The following STX8 variants were observed in gnomAD, a reference collection of about 807,000 sequenced individuals.
STX8 encodes syntaxin-8.
A neutral mutation model predicts 37.5 loss-of-function variants in STX8; 23 were observed. The ratio of observed to expected loss-of-function variants is 0.61; its 90% CI spans 0.44 to 0.87. The LOEUF (loss-of-function observed/expected upper bound fraction) is 0.87. STX8 is among the 40% of genes least tolerant of loss of function. The probability of loss-of-function intolerance (pLI) is 0.00; values close to 1 mark genes in which losing one functional copy is unlikely to be tolerated. For synonymous variants in STX8, 115 were observed against 99.1 expected, an observed-to-expected ratio of 1.16 and a Z score of -0.95; for missense variants, 313 against 284.7, an observed-to-expected ratio of 1.10 and a Z score of -0.71.
chr17:9,566,185 C>CA lies in STX8; in HGVS notation c.117+2185dup, dbSNP rs201076398. On this transcript the variant is annotated intron_variant, in intron 2 of 7. Transcript: ENST00000306357. ...TTTCAAAGGAAGACAGGCATGCTGC[C>CA]AAAAAAAACAGGAAAAAAAGCTCAA... Among the ~76,000 whole-genome samples the CA allele has an allele frequency of 9.0e-3, 1,362 of 151,360 alleles. 26 individuals carry two copies. Among genetic ancestry groups the CA allele is most frequent in the African/African-American group, 0.031 (1,264 of 41,260 alleles).
chr17:9,568,414 T>C lies in STX8; in HGVS notation c.74A>G (p.Gln25Arg). 1.2e-6 allele frequency: 2 copies of C among 1,612,822 alleles called. No homozygotes were observed. The highest frequency in any genetic ancestry group is 1.7e-6 in the Non-Finnish European group (2 of 1,179,918). Residue 25 changes from glutamine (Q) to arginine (R), a missense_variant, in exon 2 of 8, where the codon CAA becomes CGA. Transcript: ENST00000306357. ...QIAQEIAEKI[Q>R]QRNQYERKGE... ...TTTTCTTTCATATTGATTTCGTTGTTGAATTTTCTCAGCAATTTCTTGGGC... is the reference window on the plus strand; with the variant it reads ...TTTTCTTTCATATTGATTTCGTTGTCGAATTTTCTCAGCAATTTCTTGGGC...
intron 6 of STX8, among the ~76,000 whole-genome samples, chr17:9,404,944 C>A (rs1455013696): frequency 1.3e-5 from 2 of 152,100 alleles, no homozygotes; most frequent in African/African-American, 2.4e-5. Flanking sequence ...CTCCAAGATC[C>A]CTATCTTGAA....
intron 6 of STX8, among the ~76,000 whole-genome samples, chr17:9,382,194 CACAT>C (rs1171223650): frequency 6.6e-6 from 1 of 151,908 alleles, no homozygotes. Flanking sequence ...CACACACACA[CACAT>C]ATGCCCTGCC....
chr17:9,320,054 C>T (rs1351376083), intron 7 of STX8, among the ~76,000 whole-genome samples: 1 of 150,462 alleles, frequency 6.6e-6, no homozygotes, highest in Non-Finnish European at 1.5e-5. Context: ...TTTTACTGGC[C>T]AGGTGCTGTG....
intron 6 of STX8, among the ~76,000 whole-genome samples, chr17:9,390,910 C>T (rs1196047049): frequency 2.6e-5 from 4 of 151,432 alleles, no homozygotes; most frequent in African/African-American, 2.4e-5. Context: ...CAGTTAAACG[C>T]AATCTGTAAT....
chr17:9,505,872 G>A (rs547408810), intron 4 of STX8, among the ~76,000 whole-genome samples: 1 of 151,618 alleles, frequency 6.6e-6, no homozygotes, highest in South Asian at 2.1e-4. Flanking sequence ...AACCTGAGAG[G>A]CGGAGGTTGC....
intron 5 of STX8, among the ~76,000 whole-genome samples, chr17:9,499,623 C>G (rs770502298): frequency 9.2e-5 from 14 of 152,228 alleles, no homozygotes; most frequent in Admixed American, 3.3e-4. Flanking sequence ...TGGTCTCGAT[C>G]TCTTGACCTT....
chr17:9,354,347 A>T (rs1368785272), intron 7 of STX8, among the ~76,000 whole-genome samples: 4 of 107,518 alleles, frequency 3.7e-5, no homozygotes, highest in African/African-American at 1.5e-4. Flanking sequence ...TTTGAGATGG[A>T]GTCTCACTCT....
chr17:9,250,897 G>T (rs573084430), intron 7 of STX8, among the ~76,000 whole-genome samples: 6 of 152,200 alleles, frequency 3.9e-5, no homozygotes, highest in South Asian at 4.1e-4. Context: ...AAGCCAGGAG[G>T]GGGTGAGGCC....
intron 2 of STX8, among the ~76,000 whole-genome samples, chr17:9,562,755 C>T (rs8077921): frequency 2.6e-5 from 4 of 151,846 alleles, no homozygotes; most frequent in African/African-American, 9.7e-5. Context: ...ATTCACACAC[C>T]CTCTGTTGGC....
intron 7 of STX8, among the ~76,000 whole-genome samples, chr17:9,366,678 T>C (rs1361738216): frequency 6.6e-6 from 1 of 151,754 alleles, no homozygotes. Context: ...AGCCCAAGAG[T>C]TGCCCCAAAT....
chr17:9,282,258 G>A (rs1187946363), intron 7 of STX8, among the ~76,000 whole-genome samples: 2 of 152,042 alleles, frequency 1.3e-5, no homozygotes, highest in African/African-American at 2.4e-5. Context: ...TCAGCCCCCC[G>A]AGGAGCTGGG....
chr17:9,304,389 G>C (rs1163218945), intron 7 of STX8, among the ~76,000 whole-genome samples: 2 of 151,670 alleles, frequency 1.3e-5, no homozygotes, highest in Non-Finnish European at 2.9e-5. Context: ...AGTCTGGCGT[G>C]GTGGCGCATG....
intron 2 of STX8, among the ~76,000 whole-genome samples, chr17:9,566,376 C>T (rs1162964342): frequency 2.6e-5 from 4 of 152,202 alleles, no homozygotes; most frequent in African/African-American, 9.7e-5. Context: ...TCAGTTCAGT[C>T]ATTGTGGAAG....
intron 7 of STX8, among the ~76,000 whole-genome samples, chr17:9,363,631 C>T (rs1009225019): frequency 1.6e-4 from 24 of 152,054 alleles, no homozygotes; most frequent in Non-Finnish European, 2.4e-4. Flanking sequence ...AACATGTACA[C>T]GTACATCAGT....
At chr17:9,517,642 AC>A (rs1202521798) in intron 4 of STX8, among the ~76,000 whole-genome samples, 2 of 151,984 alleles carry the variant, frequency 1.3e-5, no homozygotes, top group Non-Finnish European at 2.9e-5. Flanking sequence ...TTTCCTTTCT[AC>A]CACTTCAGAG....
chr17:9,539,877 G>C (rs985832296), intron 4 of STX8, among the ~76,000 whole-genome samples: 17 of 152,134 alleles, frequency 1.1e-4, no homozygotes, highest in African/African-American at 3.1e-4. Context: ...AGAGCTGAGC[G>C]TTCCCTAAGA....
At chr17:9,509,541 AG>A (rs1196805969) in intron 4 of STX8, among the ~76,000 whole-genome samples, 1 of 152,204 alleles carries the variant, frequency 6.6e-6, no homozygotes, top group African/African-American at 2.4e-5. Context: ...GAAGTGCTCA[AG>A]GGAGTATTAC....
chr17:9,509,600 C>T (rs1904958731), intron 4 of STX8, among the ~76,000 whole-genome samples: 1 of 152,016 alleles, frequency 6.6e-6, no homozygotes, highest in South Asian at 2.1e-4. Context: ...ACATGTGACA[C>T]TATAAAACTC....
Sources: allele counts gnomAD v4.1 joint callset (sites outside exome capture counted in the v4.1 genomes callset), GRCh38; gene constraint gnomAD v4.1.1; transcripts MANE v1.5; gene names NCBI Gene and HGNC (gene_info 2026-07-23, HGNC 2026-07-21).